The following ZNF318 variants were observed in gnomAD, a reference collection of about 807,000 sequenced individuals.
ZNF318 encodes zinc finger protein 318, also known as endocrine regulator.
In ZNF318, 51 loss-of-function variants were observed where a neutral mutation model predicts 124.2. The observed-to-expected ratio is 0.41, with a 90% CI of 0.33 to 0.52. ZNF318 has a LOEUF of 0.52. Among genes scored for constraint, ZNF318 ranks in the 20% least tolerant of loss-of-function variants. The probability of loss-of-function intolerance (pLI) is 0.23; values close to 1 mark genes in which losing one functional copy is unlikely to be tolerated. For missense variants in ZNF318, 2,815 were observed against 2,811.2 expected (o/e 1.00, Z -0.03); for synonymous variants, 1,090 against 1,040.7 (o/e 1.05, Z -0.91).
chr6:43,367,083 C>T (rs971715523), intron 1 of ZNF318, among the ~76,000 whole-genome samples: 1 of 152,184 alleles, frequency 6.6e-6, no homozygotes, highest in Non-Finnish European at 1.5e-5. Flanking sequence ...ATCTCCTGAC[C>T]TCGTGATCCG....
intron 1 of ZNF318, among the ~76,000 whole-genome samples, chr6:43,365,704 A>C (rs1779751834): frequency 6.6e-6 from 1 of 152,148 alleles, no homozygotes; most frequent in South Asian, 2.1e-4. Context: ...GGATAGCTTA[A>C]GCTTGGGAGG....
In ZNF318 at chr6:43,339,973, G is replaced by C. The variant is rs530598264; in HGVS notation, c.4025C>G (p.Thr1342Ser). 3 of 1,614,194 alleles carry C rather than the reference G, an allele frequency of 1.9e-6. No homozygotes were observed. The highest frequency in any genetic ancestry group is 2.5e-6 in the Non-Finnish European group (3 of 1,180,032). ...HTSPWMPVVTTSTQTKIRPNL... is the reference protein window; with the variant it reads ...HTSPWMPVVTSSTQTKIRPNL... ...GGGTCGGATCTTAGTCTGTGTGGAA[G>C]TTGTCACAACAGGCATCCAAGGGCT... is the stretch of plus-strand genomic sequence containing the variant. Residue 1342 changes from threonine to serine, a missense_variant, in exon 10 of 10, where the codon ACT becomes AGT. By Grantham distance (58) the Thr-to-Ser change is moderately conservative. Transcript: ENST00000361428. This position sits in a 1 kb window ranked among gnomAD's most constrained non-coding sequence, Gnocchi z 4.2.
rs369381760 is a variant in ZNF318, at chr6:43,366,538, T to G, written c.400-1098A>C. On this transcript the variant is annotated intron_variant, in intron 1 of 9. Coordinates refer to ENST00000361428, the MANE Select transcript of ZNF318 (RefSeq NM_014345.3). ...CGGGCCAGGCATGGTAGCTTATGCC[T>G]GTAAGCCCAGCATTTTGGGAGGCTG... is the stretch of plus-strand genomic sequence containing the variant. Among the ~76,000 whole-genome samples, 24 of 152,266 alleles carry G rather than the reference T, an allele frequency of 1.6e-4. No homozygotes were observed. In the East Asian group the frequency reaches 2.5e-3, roughly 16 times the overall value.
At chr6:43,368,421 T>C (rs1302525805) in intron 1 of ZNF318, among the ~76,000 whole-genome samples, 3 of 152,234 alleles carry the variant, frequency 2.0e-5, no homozygotes, top group Admixed American at 1.3e-4. Context: ...TAAGAGGTAG[T>C]GGCTATGGCA....
intron 9 of ZNF318, 102 bp downstream of exon 9, chr6:43,340,688 T>C (rs925920322): frequency 1.1e-5 from 16 of 1,523,280 alleles, no homozygotes; most frequent in Middle Eastern, 1.7e-4. Context: ...TATATGGAAT[T>C]TGAAGTGTCA....
intron 8 of ZNF318, 146 bp from the exon 9 acceptor site, chr6:43,341,054 T>C: frequency 3.1e-6 from 2 of 635,406 alleles, no homozygotes; most frequent in South Asian, 1.9e-5. Flanking sequence ...AGTATTTAGA[T>C]GAATCCCAAT....
At chr6:43,361,634 G>A (rs1382127694) in intron 2 of ZNF318, among the ~76,000 whole-genome samples, 1 of 152,148 alleles carries the variant, frequency 6.6e-6, no homozygotes, top group Non-Finnish European at 1.5e-5. Flanking sequence ...AAATTACTTT[G>A]ATGAACAGGA....
In ZNF318 at chr6:43,357,452, C is replaced by G; in HGVS notation, c.862G>C (p.Asp288His). The change falls in exon 3 of 10, where the codon GAT (aspartate) becomes CAT (histidine). Residue 288 changes from aspartate to histidine, a missense_variant. Coordinates refer to ENST00000361428, the MANE Select transcript of ZNF318 (RefSeq NM_014345.3). ...DTVKINSMGG[D>H]HPSFTSGTRN... Reference sequence around the variant, plus strand: ...GTTCCTGATGTAAAACTTGGGTGATCCCCTCCCATGCTGTTTATCTTCACT... The same window carrying G: ...GTTCCTGATGTAAAACTTGGGTGATGCCCTCCCATGCTGTTTATCTTCACT... The G allele has an allele frequency of 1.9e-6, 3 of 1,614,140 alleles. No individual in the cohort carries two copies. Among genetic ancestry groups the G allele is most frequent in the South Asian group, 1.1e-5 (1 of 91,080 alleles).
Position 43,357,760 on chromosome 6 carries a change from T to A in ZNF318, c.554A>T (p.Asp185Val). ...AGTGAAGACAGAATCATCAGTCAGG[T>A]CATCCCTGAGGAAAAAGAGAAGCAT... ...VDNLEDMDRD[D>V]LTDDSVFTRS... Residue 185 changes from aspartate to valine, a missense_variant, in exon 3 of 10, where the codon GAC becomes GTC. By Grantham distance (152) the Asp-to-Val change is radical. Around this residue, in one of 4 missense-constraint regions of ZNF318, gnomAD observed 1,377 missense variants for 1,353.5 expected, o/e 1.02. Transcript: ENST00000361428. 1 of 1,589,590 alleles carries A rather than the reference T, an allele frequency of 6.3e-7. No individual in the cohort carries two copies. The highest frequency in any genetic ancestry group is 8.5e-7 in the Non-Finnish European group (1 of 1,175,424).
At chr6:43,366,186 G>A (rs1779758902) in intron 1 of ZNF318, among the ~76,000 whole-genome samples, 1 of 152,110 alleles carries the variant, frequency 6.6e-6, no homozygotes, top group Non-Finnish European at 1.5e-5. Context: ...GCTTTGCAAA[G>A]AACAGGTAGA....
In ZNF318 at chr6:43,338,598, G is replaced by C; in HGVS notation, c.5400C>G (p.Ser1800Arg). The C allele has an allele frequency of 1.9e-6, 3 of 1,614,100 alleles. No individual in the cohort carries two copies. The highest frequency in any genetic ancestry group is 2.5e-6 in the Non-Finnish European group (3 of 1,180,002). The change falls in exon 10 of 10, where the codon AGC (serine) becomes AGG (arginine). Residue 1800 changes from serine (S) to arginine (R), a missense_variant. Coordinates refer to ENST00000361428, the MANE Select transcript of ZNF318 (RefSeq NM_014345.3). ...EGIVDEGVST[S>R]IGPHSIDDSN... ...AATCATCTATGCTGTGGGGTCCAAT[G>C]CTGGTACTTACTCCCTCATCAACTA...
chr6:43,350,015 C>T (rs1323410398), intron 5 of ZNF318, among the ~76,000 whole-genome samples: 8 of 151,930 alleles, frequency 5.3e-5, no homozygotes, highest in African/African-American at 1.2e-4. Flanking sequence ...TTTGGGAGGT[C>T]GAGGCAGGCG....
rs762338993 is a variant in ZNF318 at position 43,340,143 on chromosome 6, C to T, written c.3855G>A (p.Glu1285=). The T allele has an allele frequency of 2.8e-5, 45 of 1,613,952 alleles. No homozygotes were observed. The highest frequency in any genetic ancestry group is 1.6e-4 in the East Asian group (7 of 44,900). Residue 1285 remains glutamate (E), a synonymous_variant, in exon 10 of 10, where the codon GAG becomes GAA. Transcript: ENST00000361428. ...TTGGGGTCACCAATGAACTTTTCTC[C>T]TCTTCTTTTTCTGGCTTCTTCCAGC... ...KFSWKKPEKE[E]EKSSLVTPSI... is the part of the protein sequence containing the mutation.
At chr6:43,367,086 G>A (rs537086654) in intron 1 of ZNF318, among the ~76,000 whole-genome samples, 1 of 152,258 alleles carries the variant, frequency 6.6e-6, no homozygotes, top group African/African-American at 2.4e-5. Flanking sequence ...TCCTGACCTC[G>A]TGATCCGCCT....
Position 43,357,281 on chromosome 6 carries a change from C to A in ZNF318, c.1033G>T (p.Gly345Cys). 1 of 1,614,208 alleles carries A rather than the reference C, an allele frequency of 6.2e-7. No homozygotes were observed. Among genetic ancestry groups the A allele is most frequent in the South Asian group, 1.1e-5 (1 of 91,082 alleles). Residue 345 changes from glycine (G) to cysteine (C), a missense_variant, in exon 3 of 10, where the codon GGT (glycine) becomes TGT (cysteine). This residue lies in a region of ZNF318 where 1,377 missense variants were observed against 1,353.5 expected (regional missense o/e 1.02). Transcript: ENST00000361428. The part of the protein sequence containing the change: ...LSQELVGVDG[G>C]GTGCSIPGLS... ...CCAGGGATGGAACAGCCAGTACCAC[C>A]ACCATCAACTCCAACCAGCTCCTGA... is the stretch of plus-strand genomic sequence containing the variant.
chr6:43,339,183 A>G lies in ZNF318; in HGVS notation c.4815T>C (p.Ser1605=), dbSNP rs779393156. The G allele has an allele frequency of 1.2e-6, 2 of 1,614,080 alleles. No homozygotes were observed. Among genetic ancestry groups the G allele is most frequent in the East Asian group, 2.2e-5 (1 of 44,904 alleles). ...PLANGENSNL[S]RTKSSDTSST... Reference sequence around the variant, plus strand: ...AAGAGGTGTCTGAACTTTTGGTTCTAGAGAGGTTGCTATTTTCCCCATTGG... The same window carrying G: ...AAGAGGTGTCTGAACTTTTGGTTCTGGAGAGGTTGCTATTTTCCCCATTGG... The change falls in exon 10 of 10, where the codon TCT becomes TCC. Residue 1605 remains serine (S), a synonymous_variant. Transcript: ENST00000361428. This position sits in a 1 kb window ranked among gnomAD's most constrained non-coding sequence, Gnocchi z 4.2.
At position 43,337,312 on chromosome 6, in the gene ZNF318, C is replaced by G; in HGVS notation, c.6686G>C (p.Ser2229Thr). The change falls in exon 10 of 10, where the codon AGT becomes ACT. Residue 2229 changes from serine to threonine, a missense_variant. By Grantham distance (58) the Ser-to-Thr change is moderately conservative (BLOSUM62 1). This residue lies in a region of ZNF318 where 927 missense variants were observed against 820.6 expected (regional missense o/e 1.13). Coordinates refer to ENST00000361428, the MANE Select transcript of ZNF318 (RefSeq NM_014345.3). Reference sequence around the variant, plus strand: ...TTTAACCAAATTCAGAGGGTCGCCACTGTCATCATCTACTTGCAGAATTGC... The same window carrying G: ...TTTAACCAAATTCAGAGGGTCGCCAGTGTCATCATCTACTTGCAGAATTGC... ...EVAILQVDDDSGDPLNLVKAP... is the reference protein window; with the variant it reads ...EVAILQVDDDTGDPLNLVKAP... The G allele has an allele frequency of 6.2e-7, 1 of 1,614,174 alleles. No individual in the cohort carries two copies. The highest frequency in any genetic ancestry group is 8.5e-7 in the Non-Finnish European group (1 of 1,180,022).
Position 43,355,997 on chromosome 6 carries a change from G to A in ZNF318, c.1337C>T (p.Pro446Leu). The A allele has an allele frequency of 6.2e-7, 1 of 1,614,174 alleles. No homozygotes were observed. The highest frequency in any genetic ancestry group is 8.5e-7 in the Non-Finnish European group (1 of 1,180,028). Residue 446 changes from proline to leucine, a missense_variant, in exon 4 of 10, where the codon CCT (proline) becomes CTT (leucine). Around this residue, in one of 4 missense-constraint regions of ZNF318, gnomAD observed 1,377 missense variants for 1,353.5 expected, o/e 1.02. Transcript: ENST00000361428. The stretch of plus-strand genomic sequence containing the variant: ...ACCCCATTGGTAGAGGTTGCCCTGA[G>A]GTTCCTTCAAGGCAGTCTCTACCAT... ...GTMVETALKE[P>L]QGNLYQWGPL... is the part of the protein sequence containing the mutation.
Position 43,355,386 on chromosome 6 carries a change from G to A in ZNF318, c.1948C>T (p.His650Tyr). The A allele has an allele frequency of 3.7e-6, 6 of 1,614,098 alleles. No homozygotes were observed. Among genetic ancestry groups the A allele is most frequent in the Non-Finnish European group, 4.2e-6 (5 of 1,180,022 alleles). ...FSADHCSSVDHRFSADRCSSV... is the reference protein window; with the variant it reads ...FSADHCSSVDYRFSADRCSSV... ...GAACAGCGGTCAGCTGAGAAGCGGTGGTCAACTGAGGAACAGTGGTCAGCT... is the reference window on the plus strand; with the variant it reads ...GAACAGCGGTCAGCTGAGAAGCGGTAGTCAACTGAGGAACAGTGGTCAGCT... The change falls in exon 4 of 10, where the codon CAC becomes TAC. Residue 650 changes from histidine (H) to tyrosine (Y), a missense_variant. By Grantham distance (83) the His-to-Tyr change is moderately conservative (BLOSUM62 2). Transcript: ENST00000361428.
Sources: allele counts gnomAD v4.1 joint callset (sites outside exome capture counted in the v4.1 genomes callset), GRCh38; gene constraint gnomAD v4.1.1; regional missense constraint gnomAD v4.1.1; non-coding constraint Gnocchi (gnomAD v3.1); transcripts MANE v1.5; gene names NCBI Gene and HGNC (gene_info 2026-07-23, HGNC 2026-07-21).